Variants in PTPRS observed in about 807,000 individuals in gnomAD.
PTPRS encodes protein tyrosine phosphatase receptor type S.
A neutral mutation model predicts 215.3 loss-of-function variants in PTPRS; 63 were observed. The observed-to-expected ratio is 0.29, with a 90% confidence interval of 0.24 to 0.36. The LOEUF (loss-of-function observed/expected upper bound fraction) is 0.36, where lower values mean the gene tolerates loss of function less well. PTPRS is among the 10% of genes least tolerant of loss of function. The pLI is 1.00. For missense variants in PTPRS, 2,258 were observed against 2,825.8 expected (o/e 0.80, Z 4.56); for synonymous variants, 1,404 against 1,191.4 (o/e 1.18, Z -3.68).
chr19:5,208,221 A>C lies in PTPRS; in HGVS notation c.5642+16T>G, dbSNP rs371129448. 3 of 1,574,298 alleles carry C rather than the reference A, an allele frequency of 1.9e-6. No homozygotes were observed. The highest frequency in any genetic ancestry group is 2.6e-6 in the Non-Finnish European group (3 of 1,156,904). Reference sequence around the variant, plus strand: ...CCCCAGCAGGGCCAAAAGCTGGGACACTCGAGGGAGCTCACCTGCAGTGGA... The same window carrying C: ...CCCCAGCAGGGCCAAAAGCTGGGACCCTCGAGGGAGCTCACCTGCAGTGGA... On this transcript the variant is annotated intron_variant, in intron 36 of 37. Transcript: ENST00000262963.
At chr19:5,246,927 G>A (rs892249085) in intron 9 of PTPRS, among the ~76,000 whole-genome samples, 1 of 152,118 alleles carries the variant, frequency 6.6e-6, no homozygotes, top group African/African-American at 2.4e-5. Flanking sequence ...GCGAGAGACA[G>A]AGAGAGAAAG....
chr19:5,218,995 C>T (rs930304126), intron 23 of PTPRS, 197 bp from the exon 24 acceptor site: 11 of 658,936 alleles, frequency 1.7e-5, no homozygotes, highest in Non-Finnish European at 2.8e-5. Flanking sequence ...CTTATCTCAG[C>T]CCTGGGATGT....
rs896820484 is a variant in PTPRS at position 5,237,634 on chromosome 19, G to A, written c.1849+1285C>T. Among the ~76,000 whole-genome samples, 5 of 152,214 alleles carry A rather than the reference G, an allele frequency of 3.3e-5. No homozygotes were observed. The highest frequency in any genetic ancestry group is 1.2e-4 in the African/African-American group (5 of 41,458). The stretch of plus-strand genomic sequence containing the variant: ...GTTCAGCCCAGAGTGGCTGGGGCAG[G>A]CGGGGGGGCACGCGGGGTGGGCCGT... On this transcript the variant is annotated intron_variant, in intron 13 of 37. Transcript: ENST00000262963. This position sits in a 1 kb window ranked among gnomAD's most constrained non-coding sequence, Gnocchi z 4.2.
chr19:5,216,741 C>T lies in PTPRS; in HGVS notation c.4075G>A (p.Glu1359Lys). 6.3e-7 allele frequency: 1 copy of T among 1,578,348 alleles called. No individual in the cohort carries two copies. The highest frequency in any genetic ancestry group is 1.7e-4 in the Middle Eastern group (1 of 6,032). Reference protein sequence around the residue: ...PDSGLRSPLREPGFHFESMLS... With the variant: ...PDSGLRSPLRKPGFHFESMLS... ...TAACTTTCAAAGTGAAACCCCGGCT[C>T]CCTGAGGGGGCTCCTGAGGCCTGAA... is the stretch of plus-strand genomic sequence containing the variant. The change falls in exon 26 of 38, where the codon GAG becomes AAG. Residue 1359 changes from glutamate to lysine, a missense_variant. Physicochemically the swap from Glu to Lys is moderately conservative, Grantham distance 56. Coordinates refer to ENST00000262963, the MANE Select transcript of PTPRS (RefSeq NM_002850.4).
chr19:5,315,307 T>C lies in PTPRS; in HGVS notation c.-95+25357A>G, dbSNP rs2049834059. On this transcript the variant is annotated intron_variant, in intron 1 of 37. Transcript: ENST00000262963. ...GAAATAAAAAACCCTGCCACTTAAA[T>C]TGGTCTGAATTTTCTTTTCATGGAG... 2.0e-5 allele frequency among the ~76,000 whole-genome samples: 3 copies of C among 150,970 alleles called. No homozygotes were observed. In the South Asian group the frequency reaches 6.3e-4, roughly 32 times the overall value.
intron 11 of PTPRS, 25 bp downstream of exon 11, chr19:5,243,876 G>C (rs765253619): frequency 1.4e-6 from 2 of 1,453,400 alleles, no homozygotes; most frequent in Non-Finnish European, 1.8e-6. Flanking sequence ...CCGGGGCCCC[G>C]AGTCCTGCCG....
chr19:5,208,802 G>A (rs2040604192), intron 35 of PTPRS, among the ~76,000 whole-genome samples: 1 of 152,032 alleles, frequency 6.6e-6, no homozygotes, highest in South Asian at 2.1e-4. Flanking sequence ...TTTCCTGTAT[G>A]ACATCCAGCA....
Position 5,212,413 on chromosome 19 carries a change from T to C in PTPRS, c.4693A>G (p.Thr1565Ala), listed in dbSNP as rs752720358. The C allele has an allele frequency of 4.4e-6, 7 of 1,605,212 alleles. No individual in the cohort carries two copies. The highest frequency in any genetic ancestry group is 2.3e-5 in the East Asian group (1 of 44,414). The change falls in exon 31 of 38, where the codon ACG becomes GCG. Residue 1565 changes from threonine to alanine, a missense_variant. Around this residue, in one of 6 missense-constraint regions of PTPRS, gnomAD observed 927 missense variants for 1,125.9 expected, o/e 0.82. Coordinates refer to ENST00000262963, the MANE Select transcript of PTPRS (RefSeq NM_002850.4). The part of the protein sequence containing the change: ...WPDHGVPEYP[T>A]PFLAFLRRVK... Reference sequence around the variant, plus strand: ...CTCCGCAGGAAAGCCAGGAAGGGCGTTGGGTATTCGGGCACGCCATGGTCC... The same window carrying C: ...CTCCGCAGGAAAGCCAGGAAGGGCGCTGGGTATTCGGGCACGCCATGGTCC...
rs536707458 is a variant in PTPRS, at chr19:5,206,430, C to T, written c.*344G>A. On this transcript the variant is annotated 3_prime_UTR_variant, in exon 38 of 38. Coordinates refer to ENST00000262963, the MANE Select transcript of PTPRS (RefSeq NM_002850.4). ...CACCGCTGGGGGAGGACGAGGGGTCCGTCTATGGTCTGTGCCCCACCCTCC... is the reference window on the plus strand; with the variant it reads ...CACCGCTGGGGGAGGACGAGGGGTCTGTCTATGGTCTGTGCCCCACCCTCC... The T allele has an allele frequency of 3.2e-5, 9 of 280,350 alleles. No homozygotes were observed. The highest frequency in any genetic ancestry group is 7.5e-5 in the South Asian group (1 of 13,346). The allele number at this position is 280,350 out of a possible 1,614,324, so 17.4% of individuals were successfully genotyped here. A position where few individuals can be genotyped will look rare whatever the true frequency, so the allele number is the denominator to read the frequency against.
intron 1 of PTPRS, among the ~76,000 whole-genome samples, chr19:5,314,624 A>T (rs2049813261): frequency 6.6e-6 from 1 of 151,968 alleles, no homozygotes; most frequent in African/African-American, 2.4e-5. Context: ...TCCTAGGCTC[A>T]TGTGATCCTC....
At chr19:5,270,106 C>G (rs1365902907) in intron 4 of PTPRS, among the ~76,000 whole-genome samples, 1 of 152,060 alleles carries the variant, frequency 6.6e-6, no homozygotes, top group African/African-American at 2.4e-5. Context: ...AAGGTCAGGG[C>G]AAAATTATCT....
At position 5,223,152 on chromosome 19, in the gene PTPRS, G is replaced by C. The variant is rs775076004; in HGVS notation, c.2640C>G (p.Thr880=). The part of the protein sequence containing the change: ...FGREDSTPLA[T]LEFPPSEDRY... The stretch of plus-strand genomic sequence containing the variant: ...GGTCCTCGGAGGGCGGGAACTCCAG[G>C]GTGGCCAGGGGCGTCGAGTCCTCAC... The change falls in exon 18 of 38, where the codon ACC becomes ACG. Residue 880 remains threonine, a synonymous_variant. Coordinates refer to ENST00000262963, the MANE Select transcript of PTPRS (RefSeq NM_002850.4). 9 of 1,570,988 alleles carry C rather than the reference G, an allele frequency of 5.7e-6. No homozygotes were observed. Among genetic ancestry groups the C allele is most frequent in the Non-Finnish European group, 1.7e-6 (2 of 1,158,334 alleles).
At chr19:5,276,922 A>C (rs1329053832) in intron 2 of PTPRS, among the ~76,000 whole-genome samples, 1 of 152,088 alleles carries the variant, frequency 6.6e-6, no homozygotes, top group Non-Finnish European at 1.5e-5. Context: ...GAATTCATTA[A>C]CATTGTTTCC....
Position 5,218,509 on chromosome 19 carries a change from C to T in PTPRS, c.3959G>A (p.Arg1320His), listed in dbSNP as rs936142250. The T allele has an allele frequency of 9.9e-6, 16 of 1,614,054 alleles. No individual in the cohort carries two copies. The highest frequency in any genetic ancestry group is 1.2e-5 in the Non-Finnish European group (14 of 1,180,002). The change falls in exon 25 of 38, where the codon CGC becomes CAC. Residue 1320 changes from arginine (R) to histidine (H), a missense_variant. By Grantham distance (29) the Arg-to-His change is conservative (BLOSUM62 0). Around this residue, in one of 6 missense-constraint regions of PTPRS, gnomAD observed 927 missense variants for 1,125.9 expected, o/e 0.82. Transcript: ENST00000262963. The stretch of plus-strand genomic sequence containing the variant: ...GGCATTGTTCAGGAGGCATTTGGTG[C>T]GGGGTTCTGAGTCCTTGCGTTTACT... ...PDSKRKDSEPRTKCLLNNADL... is the reference protein window; with the variant it reads ...PDSKRKDSEPHTKCLLNNADL...
intron 1 of PTPRS, among the ~76,000 whole-genome samples, chr19:5,336,605 T>G (rs950278448): frequency 1.3e-5 from 2 of 152,152 alleles, no homozygotes; most frequent in African/African-American, 4.8e-5. Flanking sequence ...TAAAAAGCCC[T>G]TGAAACCTTC....
chr19:5,284,319 C>G (rs1199335338), intron 2 of PTPRS, among the ~76,000 whole-genome samples: 1 of 151,482 alleles, frequency 6.6e-6, no homozygotes, highest in African/African-American at 2.4e-5. Flanking sequence ...GAGACTGCGC[C>G]ACCGCACTCC....
At chr19:5,248,237 C>T (rs1212716209) in intron 9 of PTPRS, among the ~76,000 whole-genome samples, 1 of 151,870 alleles carries the variant, frequency 6.6e-6, no homozygotes, top group Non-Finnish European at 1.5e-5. Flanking sequence ...TATTCAAGGA[C>T]AGAAAAACGG....
chr19:5,318,539 T>C (rs1222074241), intron 1 of PTPRS, among the ~76,000 whole-genome samples: 3 of 152,138 alleles, frequency 2.0e-5, no homozygotes, highest in Admixed American at 1.3e-4. Flanking sequence ...TAAAAGTCTC[T>C]TCCTCCCCTC....
chr19:5,224,062 C>T (rs138297890), intron 17 of PTPRS, among the ~76,000 whole-genome samples: 2,130 of 151,996 alleles, frequency 0.014, 48 homozygotes, highest in African/African-American at 0.048. Context: ...GCCTGTAATC[C>T]CAGCTACTCA....
Sources: allele counts gnomAD v4.1 joint callset (sites outside exome capture counted in the v4.1 genomes callset), GRCh38; gene constraint gnomAD v4.1.1; regional missense constraint gnomAD v4.1.1; non-coding constraint Gnocchi (gnomAD v3.1); transcripts MANE v1.5; gene names NCBI Gene and HGNC (gene_info 2026-07-23, HGNC 2026-07-21).